The following LRP1B variants were observed in gnomAD, a reference collection of about 807,000 sequenced individuals.
LRP1B encodes the protein low-density lipoprotein receptor-related protein 1B.
LRP1B carries 217 observed loss-of-function variants against 556.6 expected under a neutral mutation model. That is an observed-to-expected ratio of 0.39 (90% CI 0.35 to 0.44). The LOEUF is 0.44. Among genes scored for constraint, LRP1B ranks in the 20% least tolerant of loss-of-function variants. The pLI, the probability that LRP1B is intolerant of heterozygous loss-of-function variation, is 1.00. For missense variants in LRP1B, 5,053 were observed against 5,620.8 expected, an observed-to-expected ratio of 0.90 and a Z score of 3.23; for synonymous variants, 2,047 against 1,865.8, an observed-to-expected ratio of 1.10 and a Z score of -2.50.
chr2:141,386,194 T>G (rs1397634196), intron 3 of LRP1B, among the ~76,000 whole-genome samples: 1 of 152,166 alleles, frequency 6.6e-6, no homozygotes, highest in African/African-American at 2.4e-5. Flanking sequence ...TGTTTAGACT[T>G]GGGTCCCATC....
At chr2:140,643,918 G>C (rs890119577) in intron 41 of LRP1B, among the ~76,000 whole-genome samples, 1 of 152,090 alleles carries the variant, frequency 6.6e-6, no homozygotes, top group African/African-American at 2.4e-5. Flanking sequence ...TAGGAAAGGT[G>C]GGGGGTGGAC....
chr2:141,879,394 G>A (rs1698879668), intron 1 of LRP1B, among the ~76,000 whole-genome samples: 1 of 151,846 alleles, frequency 6.6e-6, no homozygotes, highest in South Asian at 2.1e-4. Flanking sequence ...AGGAAAATAT[G>A]AGCCTAATAC....
At position 141,015,862 on chromosome 2, in the gene LRP1B, C is replaced by T. The variant is rs1315977732; in HGVS notation, c.2024G>A (p.Arg675Lys). The T allele has an allele frequency of 3.7e-6, 6 of 1,613,626 alleles. No homozygotes were observed. The East Asian group carries it at 6.7e-5, about 18-fold the overall frequency. Residue 675 changes from arginine (R) to lysine (K), a missense_variant, in exon 13 of 91, where the codon AGG (arginine) becomes AAG (lysine). Around this residue, in one of 5 missense-constraint regions of LRP1B, gnomAD observed 3,619 missense variants for 3,931.9 expected, o/e 0.92. Coordinates refer to ENST00000389484, the MANE Select transcript of LRP1B (RefSeq NM_018557.3). ...EEDEIDDSVG[R>K]IEKAWMDGFN... ...TCCATCCATCCAGGCCTTCTCAATC[C>T]TTCCCACGCTGTCATCTATTTCATC... is the stretch of plus-strand genomic sequence containing the variant.
At chr2:141,643,248 G>A (rs1227786074) in intron 2 of LRP1B, among the ~76,000 whole-genome samples, 1 of 152,086 alleles carries the variant, frequency 6.6e-6, no homozygotes, top group East Asian at 1.9e-4. Context: ...TTGATTTACT[G>A]GCAATGCAAT....
At chr2:140,363,160 A>T (rs1442585352) in intron 72 of LRP1B, among the ~76,000 whole-genome samples, 1 of 151,588 alleles carries the variant, frequency 6.6e-6, no homozygotes, top group African/African-American at 2.4e-5. Context: ...AATTATTTTT[A>T]TTTGTCCAGC....
intron 3 of LRP1B, among the ~76,000 whole-genome samples, chr2:141,409,863 C>A (rs1418927747): frequency 1.3e-5 from 2 of 151,806 alleles, no homozygotes; most frequent in African/African-American, 4.8e-5. Flanking sequence ...AAGGATTAAG[C>A]CACACAATAA....
At chr2:140,356,008 A>G (rs1682194107) in intron 75 of LRP1B, among the ~76,000 whole-genome samples, 1 of 151,922 alleles carries the variant, frequency 6.6e-6, no homozygotes, top group South Asian at 2.1e-4. Context: ...CATCATAAAC[A>G]TATTTTTTCA....
At chr2:141,476,818 A>T (rs1313272124) in intron 3 of LRP1B, among the ~76,000 whole-genome samples, 1 of 152,072 alleles carries the variant, frequency 6.6e-6, no homozygotes, top group Non-Finnish European at 1.5e-5. Flanking sequence ...TATATTTTGG[A>T]TCCTCTTCTG....
rs3039375 is a variant in LRP1B, at chr2:141,910,140, C to CAAAAA, written c.83-99744_83-99740dup. Among the ~76,000 whole-genome samples the CAAAAA allele has an allele frequency of 3.7e-3, 488 of 131,684 alleles. 12 individuals are homozygous for CAAAAA. The highest frequency in any genetic ancestry group is 0.014 in the African/African-American group (472 of 33,978). 86.4% of individuals were successfully genotyped at this position (131,684 alleles called of 152,430 possible). On this transcript the variant is annotated intron_variant, in intron 1 of 90. Transcript: ENST00000389484. ...TGGGTGACAGAGCGAGACTCCATCT[C>CAAAAA]AAAAAAAAAAAAAAAAAAATTGTCT...
At chr2:141,074,921 T>C (rs1262484081) in intron 7 of LRP1B, among the ~76,000 whole-genome samples, 1 of 152,150 alleles carries the variant, frequency 6.6e-6, no homozygotes, top group Admixed American at 6.6e-5. Context: ...GGAGTAGTGA[T>C]TAGTTCAGGG....
chr2:141,037,743 T>C (rs1316249696), intron 11 of LRP1B, among the ~76,000 whole-genome samples: 1 of 151,880 alleles, frequency 6.6e-6, no homozygotes, highest in Non-Finnish European at 1.5e-5. Flanking sequence ...AATAAGAGAA[T>C]GGACATTCGG....
chr2:141,089,632 T>A (rs1040192043), intron 7 of LRP1B, among the ~76,000 whole-genome samples: 2 of 152,148 alleles, frequency 1.3e-5, no homozygotes, highest in African/African-American at 4.8e-5. Context: ...CTGGGGTGCA[T>A]CCCACTGGGG....
chr2:140,767,914 C>T (rs1322602871), intron 35 of LRP1B, among the ~76,000 whole-genome samples: 1 of 151,708 alleles, frequency 6.6e-6, no homozygotes. Context: ...TTGCACTTAA[C>T]AAATCCTATA....
chr2:141,367,238 T>C (rs1350776789), intron 3 of LRP1B, among the ~76,000 whole-genome samples: 1 of 152,068 alleles, frequency 6.6e-6, no homozygotes, highest in Non-Finnish European at 1.5e-5. Context: ...GTAACAAAAA[T>C]AAGAATAAAC....
chr2:141,634,805 G>A (rs1048563145), intron 2 of LRP1B, among the ~76,000 whole-genome samples: 3 of 151,974 alleles, frequency 2.0e-5, no homozygotes, highest in Admixed American at 1.3e-4. Context: ...TTTCAGCTAC[G>A]AGAGTTATCC....
intron 43 of LRP1B, among the ~76,000 whole-genome samples, chr2:140,542,195 T>C (rs1680162491): frequency 6.6e-6 from 1 of 152,096 alleles, no homozygotes; most frequent in Admixed American, 6.6e-5. Context: ...TTACATAATA[T>C]TTCAAGTATA....
At chr2:140,877,827 G>A (rs1040713507) in intron 25 of LRP1B, among the ~76,000 whole-genome samples, 3 of 152,028 alleles carry the variant, frequency 2.0e-5, no homozygotes, top group East Asian at 1.9e-4. Context: ...ACTGTCCTCC[G>A]ACCACCTTTG....
At chr2:141,434,046 A>G (rs781048767) in intron 3 of LRP1B, among the ~76,000 whole-genome samples, 1 of 141,280 alleles carries the variant, frequency 7.1e-6, no homozygotes, top group Non-Finnish European at 1.6e-5. Context: ...GGCTTTCAAC[A>G]TCATGACTGT....
intron 2 of LRP1B, among the ~76,000 whole-genome samples, chr2:141,556,513 C>T (rs1467069606): frequency 6.6e-6 from 1 of 151,900 alleles, no homozygotes; most frequent in Non-Finnish European, 1.5e-5. Flanking sequence ...GACTTGGTTA[C>T]ATCTTCACAA....
Sources: allele counts gnomAD v4.1 joint callset (sites outside exome capture counted in the v4.1 genomes callset), GRCh38; gene constraint gnomAD v4.1.1; regional missense constraint gnomAD v4.1.1; transcripts MANE v1.5; gene names NCBI Gene and HGNC (gene_info 2026-07-23, HGNC 2026-07-21).